Variants in BMP7 observed in about 807,000 individuals in gnomAD.
BMP7 encodes osteogenic protein 1.
A neutral mutation model predicts 41.2 loss-of-function variants in BMP7; 12 were observed. The observed-to-expected ratio is 0.29, with a 90% CI of 0.19 to 0.47. The LOEUF (loss-of-function observed/expected upper bound fraction) is 0.47, where lower values mean the gene tolerates loss of function less well. BMP7 is among the 20% of genes least tolerant of loss of function. The probability of loss-of-function intolerance (pLI) is 0.99; values close to 1 mark genes in which losing one functional copy is unlikely to be tolerated. For synonymous variants in BMP7, 248 were observed against 250.0 expected (o/e 0.99, Z 0.07); for missense variants, 467 against 606.0 (o/e 0.77, Z 2.41).
At chr20:57,193,160 C>T (rs1984417060) in intron 3 of BMP7, among the ~76,000 whole-genome samples, 1 of 152,202 alleles carries the variant, frequency 6.6e-6, no homozygotes, top group Non-Finnish European at 1.5e-5. Context: ...GTATGCCCAT[C>T]TGTAAGCACT....
chr20:57,220,953 C>G (rs778216374), intron 2 of BMP7, among the ~76,000 whole-genome samples: 3 of 152,196 alleles, frequency 2.0e-5, no homozygotes, highest in Non-Finnish European at 4.4e-5. Context: ...TACATGCGCT[C>G]AGGCACACAG....
chr20:57,194,698 G>A (rs747589612), intron 3 of BMP7, among the ~76,000 whole-genome samples: 29 of 152,210 alleles, frequency 1.9e-4, no homozygotes, highest in Non-Finnish European at 3.8e-4. Context: ...TGCTAAGCCC[G>A]TTCCATGCAT....
Position 57,228,415 on chromosome 20 carries a change from T to C in BMP7, c.425A>G (p.His142Arg). The change falls in exon 2 of 7, where the codon CAT becomes CGT. Residue 142 changes from histidine (H) to arginine (R), a missense_variant. His to Arg is a conservative substitution (Grantham distance 29). This residue lies in a region of BMP7 where 407 missense variants were observed against 485.9 expected (regional missense o/e 0.84). Transcript: ENST00000395863. The surrounding 1 kb of genome is among the most constrained non-coding windows in gnomAD (Gnocchi z 4.5). ...GCGTGGGTGGAAGAATTCCTTGTCATGTTCCACTGGAAGAGGAAGAGAACA... is the reference window on the plus strand; with the variant it reads ...GCGTGGGTGGAAGAATTCCTTGTCACGTTCCACTGGAAGAGGAAGAGAACA... Reference protein sequence around the residue: ...MVMSFVNLVEHDKEFFHPRYH... With the variant: ...MVMSFVNLVERDKEFFHPRYH... 2 of 1,614,126 alleles carry C rather than the reference T, an allele frequency of 1.2e-6. No individual in the cohort carries two copies. The highest frequency in any genetic ancestry group is 2.2e-5 in the East Asian group (1 of 44,882).
chr20:57,184,022 C>CT, intron 3 of BMP7, 103 bp from the exon 4 acceptor site: 1 of 1,278,878 alleles, frequency 7.8e-7, no homozygotes, highest in Non-Finnish European at 1.1e-6. Context: ...TCATGAACTC[C>CT]TTATTCCTCC....
chr20:57,190,893 G>T (rs1017827335), intron 3 of BMP7, among the ~76,000 whole-genome samples: 1 of 152,186 alleles, frequency 6.6e-6, no homozygotes, highest in Non-Finnish European at 1.5e-5. Context: ...CCACTCCAGC[G>T]CAGTGGGCAT....
At chr20:57,237,716 C>T (rs2066053110) in intron 1 of BMP7, among the ~76,000 whole-genome samples, 1 of 152,124 alleles carries the variant, frequency 6.6e-6, no homozygotes, top group South Asian at 2.1e-4. Flanking sequence ...TGCTCTATGC[C>T]CAGAGAAACA....
At position 57,176,547 on chromosome 20, in the gene BMP7, G is replaced by A. The variant is rs367948091; in HGVS notation, c.959-1540C>T. On this transcript the variant is annotated intron_variant, in intron 4 of 6. Transcript: ENST00000395863. ...TCAGCCTCTGAGTGGAGTCTAACTC[G>A]TGAGTCAAGACCAGGTCTTGGGGAC... 2.0e-5 allele frequency among the ~76,000 whole-genome samples: 3 copies of A among 152,192 alleles called. No homozygotes were observed. The South Asian group carries it at 6.2e-4, about 32-fold the overall frequency.
chr20:57,180,406 G>A (rs1173059207), intron 4 of BMP7, among the ~76,000 whole-genome samples: 2 of 151,020 alleles, frequency 1.3e-5, no homozygotes, highest in East Asian at 2.0e-4. Flanking sequence ...CATCCTCTCC[G>A]GACCAGCCTG....
chr20:57,227,456 T>C (rs1462857362), intron 2 of BMP7, among the ~76,000 whole-genome samples: 2 of 149,754 alleles, frequency 1.3e-5, no homozygotes, highest in African/African-American at 4.9e-5. Flanking sequence ...TCTGTCCCTG[T>C]CTATGGTAAC....
chr20:57,193,859 T>C (rs1984431808), intron 3 of BMP7, among the ~76,000 whole-genome samples: 1 of 152,188 alleles, frequency 6.6e-6, no homozygotes, highest in Admixed American at 6.5e-5. Context: ...GCTACTATTG[T>C]CTGAAGAGGC....
rs193243565 is a variant in BMP7, at chr20:57,183,667, C to T, written c.958+55G>A. ...GAGTCAGTCTCCTGCCGGGTCCCGC[C>T]GGGGCCCTGCTGGGTTCCTGTGGTG... On this transcript the variant is annotated intron_variant, in intron 4 of 6. Coordinates refer to ENST00000395863, the MANE Select transcript of BMP7 (RefSeq NM_001719.3). 4.3e-4 allele frequency: 685 copies of T among 1,609,156 alleles called. 3 individuals carry two copies. Among genetic ancestry groups the T allele is most frequent in the African/African-American group, 1.7e-3 (127 of 74,956 alleles).
intron 6 of BMP7, 102 bp downstream of exon 6, chr20:57,173,098 G>A (rs1284527540): frequency 4.8e-6 from 6 of 1,242,524 alleles, no homozygotes; most frequent in Non-Finnish European, 5.8e-6. Flanking sequence ...CATGGCAATG[G>A]GCTGACATCT....
At chr20:57,262,045 T>C (rs768910043) in intron 1 of BMP7, among the ~76,000 whole-genome samples, 10 of 152,236 alleles carry the variant, frequency 6.6e-5, no homozygotes, top group Non-Finnish European at 1.5e-4. Flanking sequence ...TTCTTTTCCT[T>C]CAAAGATTAC....
At chr20:57,185,868 A>G (rs1459510722) in intron 3 of BMP7, among the ~76,000 whole-genome samples, 1 of 151,868 alleles carries the variant, frequency 6.6e-6, no homozygotes, top group African/African-American at 2.4e-5. Context: ...GCATACCCTA[A>G]GTACTCAATA....
At position 57,228,250 on chromosome 20, in the gene BMP7, A is replaced by G; in HGVS notation, c.590T>C (p.Val197Ala). ...CCACCTGCCCAAGTGCTCCTGGAGCACCTGATAAACGCTGATCCGGAACGT... is the reference window on the plus strand; with the variant it reads ...CCACCTGCCCAAGTGCTCCTGGAGCGCCTGATAAACGCTGATCCGGAACGT... ...NETFRISVYQ[V>A]LQEHLGRESD... The change falls in exon 2 of 7, where the codon GTG becomes GCG. Residue 197 changes from valine (V) to alanine (A), a missense_variant. Physicochemically the swap from Val to Ala is moderately conservative, Grantham distance 64. Around this residue, in one of 2 missense-constraint regions of BMP7, gnomAD observed 407 missense variants for 485.9 expected, o/e 0.84. Coordinates refer to ENST00000395863, the MANE Select transcript of BMP7 (RefSeq NM_001719.3). The surrounding 1 kb of genome is among the most constrained non-coding windows in gnomAD (Gnocchi z 4.5). The G allele has an allele frequency of 6.2e-7, 1 of 1,613,754 alleles. No individual in the cohort carries two copies. Among genetic ancestry groups the G allele is most frequent in the Non-Finnish European group, 8.5e-7 (1 of 1,180,016 alleles).
At chr20:57,216,312 G>A (rs1246243441) in intron 2 of BMP7, among the ~76,000 whole-genome samples, 1 of 152,216 alleles carries the variant, frequency 6.6e-6, no homozygotes, top group Non-Finnish European at 1.5e-5. Flanking sequence ...GGCAGGTCCT[G>A]AGTCAAGGAC....
intron 2 of BMP7, among the ~76,000 whole-genome samples, chr20:57,227,540 A>G (rs754681608): frequency 2.0e-5 from 3 of 151,894 alleles, no homozygotes; most frequent in Non-Finnish European, 4.4e-5. Context: ...TCTTCCATCA[A>G]TTTCCCTGCC....
Position 57,228,182 on chromosome 20 carries a change from C to T in BMP7, c.611+47G>A, listed in dbSNP as rs771729709. On this transcript the variant is annotated intron_variant, in intron 2 of 6. Transcript: ENST00000395863. This position sits in a 1 kb window ranked among gnomAD's most constrained non-coding sequence, Gnocchi z 4.5. ...GCCCTCACCACCTTCTTCCTCTGCC[C>T]CCAGAGGAAACTCAGCACCTCTCCC... The T allele has an allele frequency of 6.3e-7, 1 of 1,592,396 alleles. No homozygotes were observed. The highest frequency in any genetic ancestry group is 8.6e-7 in the Non-Finnish European group (1 of 1,162,150).
chr20:57,172,865 C>T, intron 6 of BMP7: 2 of 575,814 alleles, frequency 3.5e-6, no homozygotes, highest in Non-Finnish European at 3.1e-6. Flanking sequence ...GTTTCCTCTA[C>T]TGGAAAATGA....
Sources: allele counts gnomAD v4.1 joint callset (sites outside exome capture counted in the v4.1 genomes callset), GRCh38; gene constraint gnomAD v4.1.1; regional missense constraint gnomAD v4.1.1; non-coding constraint Gnocchi (gnomAD v3.1); transcripts MANE v1.5; gene names NCBI Gene and HGNC (gene_info 2026-07-23, HGNC 2026-07-21).